The following AK7 variants were observed in gnomAD, a reference collection of about 807,000 sequenced individuals.
AK7 encodes ATP-AMP transphosphorylase 7.
In AK7, 78 loss-of-function variants were observed where a neutral mutation model predicts 96.6. That is an observed-to-expected ratio of 0.81 (90% CI 0.67 to 0.97). The LOEUF (loss-of-function observed/expected upper bound fraction) is 0.97, where lower values mean the gene tolerates loss of function less well. AK7 is among the 50% of genes least tolerant of loss of function. The pLI, the probability that AK7 is intolerant of heterozygous loss-of-function variation, is 0.00. For synonymous variants in AK7, 302 were observed against 317.2 expected (o/e 0.95, Z 0.51); for missense variants, 855 against 887.9 (o/e 0.96, Z 0.47).
chr14:96,471,407 A>C (rs1894878553), intron 12 of AK7, 71 bp from the exon 13 acceptor site: 1 of 906,796 alleles, frequency 1.1e-6, no homozygotes, highest in East Asian at 3.2e-5. Context: ...TTTTTGAGAT[A>C]ACTTTAAAAC....
intron 15 of AK7, among the ~76,000 whole-genome samples, chr14:96,482,306 G>C (rs1021727795): frequency 2.2e-4 from 34 of 152,134 alleles, no homozygotes; most frequent in African/African-American, 7.7e-4. Context: ...ATGGGCGTGG[G>C]GTAAGCAGCT....
At chr14:96,425,431 T>C (rs1891965472) in intron 5 of AK7, among the ~76,000 whole-genome samples, 1 of 151,824 alleles carries the variant, frequency 6.6e-6, no homozygotes, top group African/African-American at 2.4e-5. Context: ...AAAATAGTCC[T>C]GAATTGCCTG....
chr14:96,422,697 G>A lies in AK7; in HGVS notation c.609+1765G>A, dbSNP rs530893497. On this transcript the variant is annotated intron_variant, in intron 5 of 17. Transcript: ENST00000267584. ...CATTCTGGCAGCCCAACCTGGCATT[G>A]TCTTTACACAATTCTGCATGCAATT... 2.0e-5 allele frequency among the ~76,000 whole-genome samples: 3 copies of A among 149,398 alleles called. No individual in the cohort carries two copies. In the South Asian group the frequency reaches 6.3e-4, roughly 31 times the overall value.
chr14:96,471,708 A>G, intron 13 of AK7, 102 bp downstream of exon 13: 1 of 1,033,134 alleles, frequency 9.7e-7, no homozygotes, highest in Non-Finnish European at 1.3e-6. Flanking sequence ...AAAACTAGAG[A>G]GACTATTTAT....
At chr14:96,412,918 C>T (rs1178387558) in intron 4 of AK7, among the ~76,000 whole-genome samples, 2 of 152,168 alleles carry the variant, frequency 1.3e-5, no homozygotes, top group East Asian at 3.8e-4. Flanking sequence ...AAGAAAGAGT[C>T]ACTAACATAA....
At chr14:96,419,356 G>A (rs904423262) in intron 4 of AK7, among the ~76,000 whole-genome samples, 6 of 152,234 alleles carry the variant, frequency 3.9e-5, no homozygotes, top group Non-Finnish European at 8.8e-5. Context: ...AGGCTGGGGC[G>A]AGGTGGCTCA....
chr14:96,448,812 C>T (rs934656004), intron 8 of AK7, among the ~76,000 whole-genome samples: 1 of 151,942 alleles, frequency 6.6e-6, no homozygotes, highest in African/African-American at 2.4e-5. Context: ...AAAAATTAGC[C>T]AGGCGTGGTG....
chr14:96,440,003 T>C (rs1399968633), intron 6 of AK7, among the ~76,000 whole-genome samples: 3 of 152,078 alleles, frequency 2.0e-5, no homozygotes, highest in Non-Finnish European at 2.9e-5. Context: ...AAAGAAGGAG[T>C]CTTACTCTTT....
chr14:96,473,025 T>C (rs1595459086), intron 14 of AK7, among the ~76,000 whole-genome samples: 1 of 152,014 alleles, frequency 6.6e-6, no homozygotes, highest in African/African-American at 2.4e-5. Flanking sequence ...GAGATTGCAG[T>C]GAGCCGAGAT....
chr14:96,459,492 A>G (rs191205551), intron 12 of AK7, among the ~76,000 whole-genome samples: 1 of 152,322 alleles, frequency 6.6e-6, no homozygotes, highest in African/African-American at 2.4e-5. Context: ...TGCCACTGAT[A>G]TGATAAGTTA....
At chr14:96,472,877 T>G in intron 14 of AK7, 122 bp downstream of exon 14, 1 of 667,898 alleles carries the variant, frequency 1.5e-6, no homozygotes, top group South Asian at 1.7e-5. Context: ...AGGTCAGGAG[T>G]TCAAGACCAG....
At chr14:96,400,865 G>A (rs1890369387) in intron 2 of AK7, among the ~76,000 whole-genome samples, 1 of 152,180 alleles carries the variant, frequency 6.6e-6, no homozygotes, top group Non-Finnish European at 1.5e-5. Context: ...AGCAAAATTG[G>A]GGTTCTGTTG....
At chr14:96,461,398 C>T (rs1309035113) in intron 12 of AK7, among the ~76,000 whole-genome samples, 1 of 152,084 alleles carries the variant, frequency 6.6e-6, no homozygotes, top group Non-Finnish European at 1.5e-5. Context: ...GTCAAGGTCA[C>T]ATTGAGGGGT....
At chr14:96,436,581 G>C (rs750712593) in intron 5 of AK7, among the ~76,000 whole-genome samples, 12 of 152,124 alleles carry the variant, frequency 7.9e-5, no homozygotes, top group Non-Finnish European at 1.6e-4. Flanking sequence ...GGAGGCCAAG[G>C]TTGCAGTGAG....
intron 14 of AK7, among the ~76,000 whole-genome samples, chr14:96,476,557 A>G (rs1022405443): frequency 1.3e-5 from 2 of 152,060 alleles, no homozygotes; most frequent in Admixed American, 6.6e-5. Context: ...CAGATAGCCA[A>G]ATACAGTGAC....
At chr14:96,422,062 G>C (rs1372403555) in intron 5 of AK7, among the ~76,000 whole-genome samples, 5 of 152,196 alleles carry the variant, frequency 3.3e-5, no homozygotes, top group African/African-American at 9.7e-5. Flanking sequence ...GTCCCGTGGT[G>C]CCAACAATGC....
intron 8 of AK7, among the ~76,000 whole-genome samples, chr14:96,447,558 A>G (rs1427612697): frequency 6.6e-6 from 1 of 152,022 alleles, no homozygotes; most frequent in African/African-American, 2.4e-5. Flanking sequence ...CTGAGCTCAA[A>G]TGATCCTCCC....
At chr14:96,439,008 A>G (rs1427627949) in intron 6 of AK7, among the ~76,000 whole-genome samples, 3 of 152,202 alleles carry the variant, frequency 2.0e-5, no homozygotes, top group Admixed American at 1.3e-4. Flanking sequence ...ACTTATTGAA[A>G]TGGGGAAGAC....
intron 10 of AK7, 83 bp downstream of exon 10, chr14:96,451,653 T>A: frequency 7.7e-7 from 1 of 1,295,400 alleles, no homozygotes; most frequent in Non-Finnish European, 1.0e-6. Flanking sequence ...AACGGAAGTA[T>A]TTGCTTTTTC....
Sources: gnomAD v4.1 joint callset for allele counts (sites outside exome capture counted in the v4.1 genomes callset) on GRCh38, gnomAD v4.1.1 for gene constraint, MANE v1.5 for transcripts, NCBI Gene and HGNC (gene_info 2026-07-23, HGNC 2026-07-21) for gene names.